KIF1C: variants seen among roughly 807,000 people sequenced by gnomAD.
KIF1C encodes the protein kinesin family member 1C, also known as kinesin-like protein KIF1C.
A neutral mutation model predicts 126.5 loss-of-function variants in KIF1C; 61 were observed. The observed-to-expected ratio is 0.48, with a 90% CI of 0.39 to 0.60. KIF1C has a LOEUF of 0.60. KIF1C is among the 20% of genes least tolerant of loss of function. KIF1C has a pLI of 0.00. For missense variants in KIF1C, 1,315 were observed against 1,489.2 expected (o/e 0.88, Z 1.93); for synonymous variants, 640 against 580.6 (o/e 1.10, Z -1.47).
rs1206965448 is a variant in KIF1C, at chr17:5,020,901, G to A, written c.2010+23G>A. The A allele has an allele frequency of 6.4e-7, 1 of 1,554,678 alleles. No homozygotes were observed. The highest frequency in any genetic ancestry group is 2.4e-5 in the East Asian group (1 of 41,884). On this transcript the variant is annotated intron_variant, in intron 21 of 22. Transcript: ENST00000320785. The surrounding 1 kb of genome is among the most constrained non-coding windows in gnomAD (Gnocchi z 5.8). Reference sequence around the variant, plus strand: ...CTGGTGAGGGGCAGCAGGGGCTGGGGATGGGCTGATGGGCAGATGAGCCGC... The same window carrying A: ...CTGGTGAGGGGCAGCAGGGGCTGGGAATGGGCTGATGGGCAGATGAGCCGC...
Position 5,007,041 on chromosome 17 carries a change from C to CGGA in KIF1C, c.1294_1296dup (p.Glu432dup). 6.2e-7 allele frequency: 1 copy of CGGA among 1,607,432 alleles called. No individual in the cohort carries two copies. The highest frequency in any genetic ancestry group is 8.5e-7 in the Non-Finnish European group (1 of 1,178,110). On this transcript the variant is annotated inframe_insertion, in exon 14 of 23. Coordinates refer to ENST00000320785, the MANE Select transcript of KIF1C (RefSeq NM_006612.6). Reference sequence around the variant, plus strand: ...CTGGAGCCGTCATTCTCCCCCAACACGGAGTCCCAGATTGGGCCTGAGGAA... The same window carrying CGGA: ...CTGGAGCCGTCATTCTCCCCCAACACGGAGGAGTCCCAGATTGGGCCTGAGGAA...
chr17:5,028,268 T>C lies in KIF1C; in HGVS notation c.*4117T>C, dbSNP rs957114549. 2 of 152,230 alleles carry C rather than the reference T, an allele frequency of 1.3e-5. No homozygotes were observed. The highest frequency in any genetic ancestry group is 2.9e-5 in the Non-Finnish European group (2 of 68,058). The allele number at this position is 152,230 out of a possible 1,614,324, so 9.4% of individuals were successfully genotyped here. A position where few individuals can be genotyped will look rare whatever the true frequency, so the allele number is the denominator to read the frequency against. On this transcript the variant is annotated 3_prime_UTR_variant, in exon 23 of 23. Transcript: ENST00000320785. ...TTGTCTTTCTTTGGAGCTGCTTTCCTTTTGTTGGTTACTATTTTATTTTTA... is the reference window on the plus strand; with the variant it reads ...TTGTCTTTCTTTGGAGCTGCTTTCCCTTTGTTGGTTACTATTTTATTTTTA...
chr17:5,021,428 A>G (rs1229056751), intron 21 of KIF1C, among the ~76,000 whole-genome samples: 1 of 151,920 alleles, frequency 6.6e-6, no homozygotes, highest in African/African-American at 2.4e-5. Context: ...CGCCTGCCTC[A>G]GCCTCCCAAA....
intron 17 of KIF1C, 78 bp from the exon 18 acceptor site, chr17:5,014,665 G>A: frequency 1.9e-6 from 2 of 1,035,994 alleles, no homozygotes; most frequent in South Asian, 1.4e-5. Flanking sequence ...GGTTCATTGA[G>A]TTGGATAAAC....
In KIF1C at chr17:5,025,859, A is replaced by G. The variant is rs1159748643; in HGVS notation, c.*1708A>G. 6.6e-6 allele frequency: 1 copy of G among 152,148 alleles called. No homozygotes were observed. Among genetic ancestry groups the G allele is most frequent in the Non-Finnish European group, 1.5e-5 (1 of 68,034 alleles). The allele number at this position is 152,148 out of a possible 1,614,324, so 9.4% of individuals were successfully genotyped here. A position where few individuals can be genotyped will look rare whatever the true frequency, so the allele number is the denominator to read the frequency against. Reference sequence around the variant, plus strand: ...AACTGTTTGTTGCCTGCTTGTTTTAATGTTCTGGCTTGAGGCAGCGAGCCC... The same window carrying G: ...AACTGTTTGTTGCCTGCTTGTTTTAGTGTTCTGGCTTGAGGCAGCGAGCCC... On this transcript the variant is annotated 3_prime_UTR_variant, in exon 23 of 23. Transcript: ENST00000320785.
At position 5,004,622 on chromosome 17, in the gene KIF1C, CGAG is replaced by C; in HGVS notation, c.1000_1002del (p.Glu334del). 1 of 1,614,148 alleles carries C rather than the reference CGAG, an allele frequency of 6.2e-7. No homozygotes were observed. Among genetic ancestry groups the C allele is most frequent in the Non-Finnish European group, 8.5e-7 (1 of 1,180,004 alleles). ...CCCTGAGCCCTGCTGACATCAATTACGAGGAGACTCTCAGCACCCTCAGGTGAG... is the reference window on the plus strand; with the variant it reads ...CCCTGAGCCCTGCTGACATCAATTACGAGACTCTCAGCACCCTCAGGTGAG... On this transcript the variant is annotated inframe_deletion, in exon 12 of 23. Coordinates refer to ENST00000320785, the MANE Select transcript of KIF1C (RefSeq NM_006612.6).
At chr17:5,015,582 CTTTTTTTTTTTT>C (rs58961639) in intron 18 of KIF1C, among the ~76,000 whole-genome samples, 2 of 71,244 alleles carry the variant, frequency 2.8e-5, no homozygotes, top group African/African-American at 5.9e-5. Flanking sequence ...CTGCCCCCAG[CTTTTTTTTTTTT>C]TTTTTTTTTT....
Position 5,000,347 on chromosome 17 carries a change from C to A in KIF1C, c.101C>A (p.Thr34Asn). ...AKCVVSMQGN[T>N]TSIINPKQSK... is the part of the protein sequence containing the mutation. ...TGTGTGGTCAGCATGCAGGGCAACA[C>A]CACCTGTGAGTGAGTCCCCGGGGCC... Residue 34 changes from threonine to asparagine, a missense_variant, in exon 3 of 23, where the codon ACC becomes AAC. By Grantham distance (65) the Thr-to-Asn change is moderately conservative (BLOSUM62 0). Transcript: ENST00000320785. The A allele has an allele frequency of 6.3e-7, 1 of 1,580,276 alleles. No homozygotes were observed. Among genetic ancestry groups the A allele is most frequent in the Non-Finnish European group, 8.6e-7 (1 of 1,163,722 alleles).
At chr17:5,021,237 A>G (rs1975085718) in intron 21 of KIF1C, among the ~76,000 whole-genome samples, 1 of 123,174 alleles carries the variant, frequency 8.1e-6, no homozygotes, top group African/African-American at 3.1e-5. Flanking sequence ...CAGTGGGATG[A>G]TCTCGACTTA....
In KIF1C at chr17:5,025,680, C is replaced by T. The variant is rs560068449; in HGVS notation, c.*1529C>T. ...AATAAAAATAAAAAAATTAGCCGGG[C>T]ATGGTGGCGGGGGCCTGTAGTCCCA... On this transcript the variant is annotated 3_prime_UTR_variant, in exon 23 of 23. Coordinates refer to ENST00000320785, the MANE Select transcript of KIF1C (RefSeq NM_006612.6). 1.3e-5 allele frequency: 2 copies of T among 152,234 alleles called. No homozygotes were observed. The highest frequency in any genetic ancestry group is 1.9e-4 in the East Asian group (1 of 5,182). 9.4% of individuals were successfully genotyped at this position (152,234 alleles called of 1,614,324 possible). A position where few individuals can be genotyped will look rare whatever the true frequency, so the allele number is the denominator to read the frequency against.
Position 5,003,934 on chromosome 17 carries a change from G to C in KIF1C, c.864+18G>C. The C allele has an allele frequency of 6.2e-7, 1 of 1,612,818 alleles. No homozygotes were observed. Among genetic ancestry groups the C allele is most frequent in the Non-Finnish European group, 8.5e-7 (1 of 1,178,846 alleles). On this transcript the variant is annotated intron_variant, in intron 10 of 22. Coordinates refer to ENST00000320785, the MANE Select transcript of KIF1C (RefSeq NM_006612.6). ...CAGATATGGTGAGACCTGGGTGTTGGAAAGAAGGGGCTTGGGAAAGGGGAG... is the reference window on the plus strand; with the variant it reads ...CAGATATGGTGAGACCTGGGTGTTGCAAAGAAGGGGCTTGGGAAAGGGGAG...
Position 5,001,209 on chromosome 17 carries a change from C to A in KIF1C, c.184-13C>A. 2.5e-6 allele frequency: 4 copies of A among 1,613,252 alleles called. No homozygotes were observed. The highest frequency in any genetic ancestry group is 1.7e-6 in the Non-Finnish European group (2 of 1,179,434). On this transcript the variant is annotated splice_polypyrimidine_tract_variant and intron_variant, in intron 4 of 22. Transcript: ENST00000320785. The stretch of plus-strand genomic sequence containing the variant: ...GGGTTACTCTGTTTTTCTCTGCCCC[C>A]ACTTTCTCCTAGACGGAGGACCCCC...
chr17:5,015,839 G>A (rs1015905162), intron 18 of KIF1C, among the ~76,000 whole-genome samples: 3 of 151,636 alleles, frequency 2.0e-5, no homozygotes, highest in South Asian at 2.1e-4. Context: ...CATGTGATCC[G>A]CCCACCTTGG....
rs1047505591 is a variant in KIF1C, at chr17:4,998,173, G to A, written c.-149+17G>A. 3.9e-5 allele frequency: 6 copies of A among 152,510 alleles called. No homozygotes were observed. Among genetic ancestry groups the A allele is most frequent in the African/African-American group, 1.2e-4 (5 of 41,468 alleles). 9.4% of individuals were successfully genotyped at this position (152,510 alleles called of 1,614,324 possible). A position where few individuals can be genotyped will look rare whatever the true frequency, so the allele number is the denominator to read the frequency against. Reference sequence around the variant, plus strand: ...CGCGCCGAGGTGAGGGCTGGGGAAGGGGGAGGGAAGGGACGCCCGCGGAGG... The same window carrying A: ...CGCGCCGAGGTGAGGGCTGGGGAAGAGGGAGGGAAGGGACGCCCGCGGAGG... On this transcript the variant is annotated intron_variant, in intron 1 of 22. Coordinates refer to ENST00000320785, the MANE Select transcript of KIF1C (RefSeq NM_006612.6).
intron 16 of KIF1C, among the ~76,000 whole-genome samples, chr17:5,009,474 G>A (rs1424944060): frequency 1.3e-5 from 2 of 151,840 alleles, no homozygotes; most frequent in African/African-American, 4.8e-5. Context: ...CACCGTGCCA[G>A]GCCCATTATG....
At chr17:5,001,049 C>T (rs1974577616) in intron 4 of KIF1C, among the ~76,000 whole-genome samples, 173 bp from the exon 5 acceptor site, 1 of 151,900 alleles carries the variant, frequency 6.6e-6, no homozygotes, top group Non-Finnish European at 1.5e-5. Flanking sequence ...GTAATTAGGA[C>T]TAGCAGGGGC....
chr17:5,000,325 G>A lies in KIF1C; in HGVS notation c.79G>A (p.Val27Met), dbSNP rs761316876. 4 of 1,592,558 alleles carry A rather than the reference G, an allele frequency of 2.5e-6. No individual in the cohort carries two copies. Among genetic ancestry groups the A allele is most frequent in the Non-Finnish European group, 2.6e-6 (3 of 1,170,842 alleles). Reference sequence around the variant, plus strand: ...TGAGACCAGCCAGGATGCCAAGTGTGTGGTCAGCATGCAGGGCAACACCAC... The same window carrying A: ...TGAGACCAGCCAGGATGCCAAGTGTATGGTCAGCATGCAGGGCAACACCAC... Reference protein sequence around the residue: ...ARETSQDAKCVVSMQGNTTSI... With the variant: ...ARETSQDAKCMVSMQGNTTSI... The change falls in exon 3 of 23, where the codon GTG (valine) becomes ATG (methionine). Residue 27 changes from valine (V) to methionine (M), a missense_variant. Transcript: ENST00000320785.
chr17:5,012,977 C>T (rs1231030494), intron 16 of KIF1C, among the ~76,000 whole-genome samples: 1 of 152,104 alleles, frequency 6.6e-6, no homozygotes, highest in Non-Finnish European at 1.5e-5. Context: ...AGGGACAGCC[C>T]CAGGCGGGTG....
intron 1 of KIF1C, among the ~76,000 whole-genome samples, chr17:4,999,635 C>T (rs1466950567): frequency 3.3e-5 from 5 of 152,268 alleles, no homozygotes; most frequent in Admixed American, 6.5e-5. Flanking sequence ...CTCTCTCTGT[C>T]CTCTATCTGA....
Sources: gnomAD v4.1 joint callset for allele counts (sites outside exome capture counted in the v4.1 genomes callset) on GRCh38, gnomAD v4.1.1 for gene constraint, Gnocchi (gnomAD v3.1) non-coding constraint, MANE v1.5 for transcripts, NCBI Gene and HGNC (gene_info 2026-07-23, HGNC 2026-07-21) for gene names.